The following BRI3BP variants were observed in gnomAD, a reference collection of about 807,000 sequenced individuals.
The protein encoded by BRI3BP is BRI3 binding protein.
In BRI3BP, 7 loss-of-function variants were observed where a neutral mutation model predicts 15.8. The observed-to-expected ratio is 0.44, with a 90% CI of 0.25 to 0.83. The LOEUF is 0.83. Among genes scored for constraint, BRI3BP ranks in the 40% least tolerant of loss-of-function variants. The pLI is 0.20. For synonymous variants in BRI3BP, 192 were observed against 163.5 expected, an observed-to-expected ratio of 1.17 and a Z score of -1.33; for missense variants, 320 against 339.3, an observed-to-expected ratio of 0.94 and a Z score of 0.45.
At chr12:124,998,078 T>C (rs920863119) in intron 1 of BRI3BP, among the ~76,000 whole-genome samples, 1 of 147,576 alleles carries the variant, frequency 6.8e-6, no homozygotes, top group Non-Finnish European at 1.5e-5. Flanking sequence ...GAGCCAAGAT[T>C]GCACCGTTGC....
chr12:124,994,062 C>CG, intron 1 of BRI3BP, 59 bp downstream of exon 1: 1 of 1,116,666 alleles, frequency 9.0e-7, no homozygotes, highest in Non-Finnish European at 1.1e-6. Flanking sequence ...ACCTGGCTAC[C>CG]GGGGCCGACC....
chr12:124,998,222 G>A (rs1955056765), intron 1 of BRI3BP, among the ~76,000 whole-genome samples: 1 of 152,120 alleles, frequency 6.6e-6, no homozygotes, highest in Admixed American at 6.6e-5. Flanking sequence ...AGCCCGGGAG[G>A]CTGACGTTGC....
intron 2 of BRI3BP, among the ~76,000 whole-genome samples, chr12:125,017,647 A>G (rs895567788): frequency 6.6e-6 from 1 of 152,290 alleles, no homozygotes; most frequent in Non-Finnish European, 1.5e-5. Flanking sequence ...TAGATGGCAC[A>G]GCCTTTGTCC....
intron 2 of BRI3BP, among the ~76,000 whole-genome samples, chr12:125,018,044 C>T (rs1226596978): frequency 3.3e-5 from 5 of 152,096 alleles, no homozygotes; most frequent in Non-Finnish European, 7.3e-5. Flanking sequence ...AGTAAACACT[C>T]GGGGGCTTAC....
At chr12:125,047,840 G>A in the BRI3BP span, among the ~76,000 whole-genome samples, 1 of 151,776 alleles carries the variant, frequency 6.6e-6, no homozygotes, top group African/African-American at 2.4e-5. Context: ...GGGATTACAG[G>A]CGCATGCCAC....
chr12:125,019,156 C>G (rs1391001175), intron 2 of BRI3BP, among the ~76,000 whole-genome samples: 1 of 152,176 alleles, frequency 6.6e-6, no homozygotes, highest in East Asian at 1.9e-4. Flanking sequence ...CTGCGCCCGG[C>G]CTTCTACTCC....
intron 2 of BRI3BP, among the ~76,000 whole-genome samples, chr12:125,013,232 C>T (rs1012960242): frequency 2.0e-5 from 3 of 152,104 alleles, no homozygotes; most frequent in South Asian, 2.1e-4. Context: ...TACTGGCATC[C>T]GTGCAAGAAA....
intron 2 of BRI3BP, among the ~76,000 whole-genome samples, chr12:125,015,605 G>A (rs1171376571): frequency 6.6e-6 from 1 of 152,142 alleles, no homozygotes; most frequent in Non-Finnish European, 1.5e-5. Context: ...TCTCAGCAGC[G>A]CCCATTGGTG....
chr12:124,997,269 G>A (rs557456481), intron 1 of BRI3BP, among the ~76,000 whole-genome samples: 147 of 118,092 alleles, frequency 1.2e-3, no homozygotes, highest in Non-Finnish European at 1.9e-3. Flanking sequence ...AGGCTGGAGT[G>A]CAATGGCGAG....
chr12:125,025,510 C>G lies in BRI3BP; in HGVS notation c.*80C>G. 8 of 1,327,596 alleles carry G rather than the reference C, an allele frequency of 6.0e-6. No individual in the cohort carries two copies. Among genetic ancestry groups the G allele is most frequent in the Non-Finnish European group, 8.0e-6 (8 of 994,236 alleles). The allele number at this position is 1,327,596 out of a possible 1,614,324, so 82.2% of individuals were successfully genotyped here. ...AAACGGAGGAAAAAAACCCCAAACC[C>G]CAAACAATCTTAATAAACACGACTG... On this transcript the variant is annotated 3_prime_UTR_variant, in exon 3 of 3. Coordinates refer to ENST00000341446, the MANE Select transcript of BRI3BP (RefSeq NM_080626.6).
At chr12:125,010,421 G>A (rs1955187238) in intron 1 of BRI3BP, among the ~76,000 whole-genome samples, 1 of 152,146 alleles carries the variant, frequency 6.6e-6, no homozygotes, top group South Asian at 2.1e-4. Flanking sequence ...CCTGGTCCCT[G>A]ATTCAGCCCT....
the BRI3BP span, among the ~76,000 whole-genome samples, chr12:125,046,139 G>A: frequency 6.6e-6 from 1 of 151,670 alleles, no homozygotes; most frequent in Non-Finnish European, 1.5e-5. Flanking sequence ...ACTCTAGCCT[G>A]AGGGACAAGA....
intron 1 of BRI3BP, among the ~76,000 whole-genome samples, chr12:125,005,047 C>G (rs944952817): frequency 2.0e-5 from 3 of 152,102 alleles, no homozygotes; most frequent in Non-Finnish European, 4.4e-5. Flanking sequence ...GAGGTTTCAC[C>G]ATGTTGGCCA....
At chr12:125,008,458 G>A (rs147770592) in intron 1 of BRI3BP, among the ~76,000 whole-genome samples, 4,192 of 151,830 alleles carry the variant, frequency 0.028, 189 homozygotes, top group African/African-American at 0.095. Flanking sequence ...GACTACAGGC[G>A]CCCACCACCA....
intron 1 of BRI3BP, among the ~76,000 whole-genome samples, chr12:124,995,860 A>T (rs1955036296): frequency 6.6e-6 from 1 of 151,890 alleles, no homozygotes; most frequent in Non-Finnish European, 1.5e-5. Flanking sequence ...CTGCTTCATG[A>T]CCCCTTCCCT....
the BRI3BP span, among the ~76,000 whole-genome samples, chr12:125,049,666 GTTC>G: frequency 1.3e-5 from 2 of 152,224 alleles, no homozygotes; most frequent in Non-Finnish European, 2.9e-5. Flanking sequence ...CCCTTTTCTG[GTTC>G]TTCTTCAGGA....
intron 2 of BRI3BP, among the ~76,000 whole-genome samples, chr12:125,021,729 A>G (rs1306078994): frequency 3.3e-5 from 5 of 152,180 alleles, no homozygotes; most frequent in African/African-American, 4.8e-5. Flanking sequence ...AGCGAGGGGT[A>G]AACTGCCAAA....
intron 1 of BRI3BP, among the ~76,000 whole-genome samples, chr12:124,998,520 T>C (rs1955058450): frequency 1.3e-5 from 2 of 152,168 alleles, no homozygotes; most frequent in Non-Finnish European, 2.9e-5. Context: ...GCACACATTA[T>C]ATGATTCCAT....
At chr12:125,021,462 G>A (rs1955298337) in intron 2 of BRI3BP, among the ~76,000 whole-genome samples, 1 of 152,144 alleles carries the variant, frequency 6.6e-6, no homozygotes, top group Non-Finnish European at 1.5e-5. Flanking sequence ...CAGCACTTAG[G>A]GAAGCCAAGG....
Sources: gnomAD v4.1 joint callset for allele counts (sites outside exome capture counted in the v4.1 genomes callset) on GRCh38, gnomAD v4.1.1 for gene constraint, MANE v1.5 for transcripts, NCBI Gene and HGNC (gene_info 2026-07-23, HGNC 2026-07-21) for gene names.